TSPAN11: variants seen among roughly 807,000 people sequenced by gnomAD.
TSPAN11 encodes tetraspanin 11, also known as tetraspanin-11.
Under a neutral mutation model 32.9 loss-of-function variants are expected in TSPAN11, and 29 were observed. That is an observed-to-expected ratio of 0.88 (90% CI 0.66 to 1.20). The LOEUF (loss-of-function observed/expected upper bound fraction) is 1.20. Among genes scored for constraint, TSPAN11 ranks in the 50% most tolerant of loss-of-function variants. TSPAN11 has a pLI of 0.00. For synonymous variants in TSPAN11, 140 were observed against 141.3 expected (o/e 0.99, Z 0.07); for missense variants, 283 against 329.1 (o/e 0.86, Z 1.08).
chr12:30,940,013 A>G (rs1380909861), intron 1 of TSPAN11, among the ~76,000 whole-genome samples: 1 of 152,222 alleles, frequency 6.6e-6, no homozygotes, highest in Non-Finnish European at 1.5e-5. Flanking sequence ...GTGCAGAGAA[A>G]ACTCAGGGAG....
intron 1 of TSPAN11, among the ~76,000 whole-genome samples, chr12:30,928,153 C>T (rs1156758621): frequency 6.6e-6 from 1 of 152,166 alleles, no homozygotes; most frequent in African/African-American, 2.4e-5. Context: ...TGTGATTCCC[C>T]ATAGTTCTTG....
intron 1 of TSPAN11, among the ~76,000 whole-genome samples, chr12:30,941,653 T>C (rs1050404560): frequency 3.9e-5 from 6 of 152,186 alleles, no homozygotes; most frequent in Non-Finnish European, 8.8e-5. Flanking sequence ...AAGGAATGTG[T>C]AGAGGTGACC....
At chr12:30,972,428 G>A (rs1268528271) in intron 3 of TSPAN11, among the ~76,000 whole-genome samples, 3 of 152,190 alleles carry the variant, frequency 2.0e-5, no homozygotes, top group Non-Finnish European at 4.4e-5. Context: ...GGCTCAGGGA[G>A]GGCTTCATGG....
chr12:30,960,335 G>T (rs1938587196), intron 2 of TSPAN11, among the ~76,000 whole-genome samples: 1 of 151,838 alleles, frequency 6.6e-6, no homozygotes, highest in South Asian at 2.1e-4. Flanking sequence ...TGCATTTCCC[G>T]CATCCTGAGC....
intron 2 of TSPAN11, among the ~76,000 whole-genome samples, chr12:30,956,779 T>C (rs1938486394): frequency 6.6e-6 from 1 of 152,258 alleles, no homozygotes; most frequent in South Asian, 2.1e-4. Context: ...CTCTAACTTA[T>C]TATTTTATTC....
chr12:30,982,692 T>A lies in TSPAN11; in HGVS notation c.615+2T>A. ...CCCTCCAACATCTATAAGGTGGAGG[T>A]GAGCACCCAAGCTCAAGTTGGGGGT... On this transcript the variant is annotated splice_donor_variant, in intron 6 of 7. Coordinates refer to ENST00000546076, the MANE Select transcript of TSPAN11 (RefSeq NM_001370302.1). LOFTEE classifies it high-confidence loss of function. 1 of 1,555,872 alleles carries A rather than the reference T, an allele frequency of 6.4e-7. No homozygotes were observed. Among genetic ancestry groups the A allele is most frequent in the Non-Finnish European group, 8.7e-7 (1 of 1,146,660 alleles).
chr12:30,953,904 C>A, intron 1 of TSPAN11, 77 bp from the exon 2 acceptor site: 4 of 1,107,796 alleles, frequency 3.6e-6, no homozygotes, highest in Non-Finnish European at 4.0e-6. Flanking sequence ...GGGAGCCTTG[C>A]CAAGATGCTC....
At chr12:30,949,291 C>T (rs1180372278) in intron 1 of TSPAN11, among the ~76,000 whole-genome samples, 2 of 152,180 alleles carry the variant, frequency 1.3e-5, no homozygotes, top group Non-Finnish European at 2.9e-5. Flanking sequence ...TCAGCAACAT[C>T]CCACTCTACT....
In TSPAN11 at chr12:30,966,782, G is replaced by T. The variant is rs561983415; in HGVS notation, c.276+2765G>T. ...TGGTAACAAGGGAGGGTCCCCTCCA[G>T]CACCTAGCCCGGAACCCTAGGGCAA... On this transcript the variant is annotated intron_variant, in intron 3 of 7. Coordinates refer to ENST00000546076, the MANE Select transcript of TSPAN11 (RefSeq NM_001370302.1). 1.5e-4 allele frequency among the ~76,000 whole-genome samples: 23 copies of T among 152,334 alleles called. No individual in the cohort carries two copies. In the South Asian group the frequency reaches 1.9e-3, roughly 12 times the overall value.
intron 3 of TSPAN11, among the ~76,000 whole-genome samples, chr12:30,966,439 T>C (rs1192661537): frequency 6.6e-6 from 1 of 152,220 alleles, no homozygotes; most frequent in Non-Finnish European, 1.5e-5. Context: ...TGATACACAC[T>C]GCTGGTGAGT....
At chr12:31,000,709 T>G (rs1276592526), downstream of TSPAN11, among the ~76,000 whole-genome samples, 1 of 152,222 alleles carries the variant, frequency 6.6e-6, no homozygotes, top group Non-Finnish European at 1.5e-5. Flanking sequence ...AAGATAGTTT[T>G]TGTCTGGAGG....
chr12:30,991,770 G>GAGC, intron 7 of TSPAN11, 86 bp from the exon 8 acceptor site: 1 of 1,451,188 alleles, frequency 6.9e-7, no homozygotes, highest in South Asian at 1.2e-5. Flanking sequence ...GTATTCGAGT[G>GAGC]AGCAGCACTG....
the TSPAN11 span, among the ~76,000 whole-genome samples, chr12:31,004,727 G>A: frequency 1.3e-5 from 2 of 152,232 alleles, no homozygotes; most frequent in Non-Finnish European, 2.9e-5. Flanking sequence ...AGGCCCGCAT[G>A]TGGTGGAAGG....
In TSPAN11 at chr12:30,954,024, G is replaced by T. The variant is rs773186952; in HGVS notation, c.33G>T (p.Trp11Cys). The change falls in exon 2 of 8, where the codon TGG (tryptophan) becomes TGT (cysteine). Residue 11 changes from tryptophan (W) to cysteine (C), a missense_variant. Transcript: ENST00000546076. ...ACTATAAGACTGAGCAGGACGACTG[G>T]CTGATCATCTACTTGAAGTATTTAC... MAHYKTEQDD[W>C]LIIYLKYLLF... 2 of 1,613,848 alleles carry T rather than the reference G, an allele frequency of 1.2e-6. No individual in the cohort carries two copies. The highest frequency in any genetic ancestry group is 1.7e-5 in the Admixed American group (1 of 60,016).
intron 5 of TSPAN11, among the ~76,000 whole-genome samples, chr12:30,980,192 T>A (rs1939060836): frequency 6.6e-6 from 1 of 152,214 alleles, no homozygotes; most frequent in African/African-American, 2.4e-5. Flanking sequence ...GGTTTTCTCC[T>A]AAGAAGACAT....
At chr12:31,002,641 C>A in the TSPAN11 span, among the ~76,000 whole-genome samples, 2 of 152,226 alleles carry the variant, frequency 1.3e-5, no homozygotes, top group East Asian at 3.9e-4. The surrounding 1 kb of genome is among the most constrained non-coding windows in gnomAD (Gnocchi z 4.8). Flanking sequence ...TGAGGGTCTG[C>A]GGGACAAAGA....
At chr12:30,929,503 G>A (rs375230540) in intron 1 of TSPAN11, among the ~76,000 whole-genome samples, 3 of 152,174 alleles carry the variant, frequency 2.0e-5, no homozygotes, top group Non-Finnish European at 4.4e-5. Context: ...CGGAGGACAC[G>A]AAACATCTGC....
the TSPAN11 span, chr12:31,005,742 G>C: frequency 6.3e-6 from 1 of 159,862 alleles, no homozygotes; most frequent in South Asian, 1.8e-4. Flanking sequence ...GCGGGGAGTG[G>C]GGAGGGGCTT....
At chr12:31,001,107 G>A (rs1467798409), downstream of TSPAN11, among the ~76,000 whole-genome samples, 2 of 152,074 alleles carry the variant, frequency 1.3e-5, no homozygotes, top group Non-Finnish European at 2.9e-5. Context: ...CTTTCTAAAG[G>A]CCAGATCTGA....
Sources: gnomAD v4.1 joint callset for allele counts (sites outside exome capture counted in the v4.1 genomes callset) on GRCh38, gnomAD v4.1.1 for gene constraint, Gnocchi (gnomAD v3.1) non-coding constraint, MANE v1.5 for transcripts, NCBI Gene and HGNC (gene_info 2026-07-23, HGNC 2026-07-21) for gene names.